Variants in POMK observed in about 807,000 individuals in gnomAD.
POMK encodes Sugen kinase 196.
POMK carries 19 observed loss-of-function variants against 23.0 expected under a neutral mutation model. The observed-to-expected ratio is 0.83, with a 90% CI of 0.58 to 1.21. POMK has a LOEUF of 1.21. POMK is among the 50% of genes most tolerant of loss of function. The pLI, the probability that POMK is intolerant of heterozygous loss-of-function variation, is 0.00. For missense variants in POMK, 410 were observed against 431.3 expected (o/e 0.95, Z 0.44); for synonymous variants, 173 against 171.6 (o/e 1.01, Z -0.06).
At chr8:43,108,522 G>C (rs939763693) in intron 4 of POMK, among the ~76,000 whole-genome samples, 11 of 152,172 alleles carry the variant, frequency 7.2e-5, no homozygotes, top group African/African-American at 2.7e-4. Context: ...GCTACAAGCT[G>C]TAAATAGCTT....
chr8:43,122,961 G>C lies in POMK; in HGVS notation c.*84G>C. The C allele has an allele frequency of 7.7e-7, 1 of 1,298,152 alleles. No individual in the cohort carries two copies. 80.4% of individuals were successfully genotyped at this position (1,298,152 alleles called of 1,614,324 possible). A position where few individuals can be genotyped will look rare whatever the true frequency, so the allele number is the denominator to read the frequency against. ...ACTCTGATGGTGGAGTTTTTTGCCT[G>C]AGTTTCGTGTTTTATTGTTTTTTTT... is the stretch of plus-strand genomic sequence containing the variant. On this transcript the variant is annotated 3_prime_UTR_variant, in exon 5 of 5. Coordinates refer to ENST00000331373, the MANE Select transcript of POMK (RefSeq NM_032237.5).
chr8:43,097,762 C>G (rs1563335282), intron 2 of POMK, 147 bp downstream of exon 2: 2 of 152,132 alleles, frequency 1.3e-5, no homozygotes, highest in African/African-American at 2.4e-5. Context: ...AGGGAGGAAT[C>G]AAGTCACACA....
intron 4 of POMK, among the ~76,000 whole-genome samples, chr8:43,120,299 C>T (rs1422646558): frequency 1.3e-5 from 2 of 151,860 alleles, no homozygotes; most frequent in African/African-American, 4.8e-5. Context: ...GCAACCTCCA[C>T]CTCCTGGGGT....
intron 4 of POMK, among the ~76,000 whole-genome samples, chr8:43,117,083 A>G (rs1431846362): frequency 6.6e-6 from 1 of 152,214 alleles, no homozygotes; most frequent in Admixed American, 6.5e-5. Flanking sequence ...GTCATCGCTT[A>G]AGGCAAGGAC....
rs1030157248 is a variant in POMK at position 43,115,362 on chromosome 8, T to G, written c.283-6745T>G. On this transcript the variant is annotated intron_variant, in intron 4 of 4. Transcript: ENST00000331373. ...TCTATACAGCTGCCTACCCGACATG[T>G]ACCTGGGGTTTCTGAGAGGCTTCTC... Among the ~76,000 whole-genome samples the G allele has an allele frequency of 3.3e-5, 5 of 152,206 alleles. 1 individual carries two copies. Among genetic ancestry groups the G allele is most frequent in the Non-Finnish European group, 7.3e-5 (5 of 68,042 alleles).
chr8:43,122,393 A>G lies in POMK; in HGVS notation c.569A>G (p.Asn190Ser), dbSNP rs1811937134. 1 of 1,614,224 alleles carries G rather than the reference A, an allele frequency of 6.2e-7. No individual in the cohort carries two copies. Among genetic ancestry groups the G allele is most frequent in the Non-Finnish European group, 8.5e-7 (1 of 1,180,032 alleles). Residue 190 changes from asparagine (N) to serine (S), a missense_variant, in exon 5 of 5, where the codon AAT (asparagine) becomes AGT (serine). Physicochemically the swap from Asn to Ser is conservative, Grantham distance 46 (BLOSUM62 1). Coordinates refer to ENST00000331373, the MANE Select transcript of POMK (RefSeq NM_032237.5). Reference sequence around the variant, plus strand: ...GCCATGGACTATGTCAGCATCATTAATTACCTGCACCACAGCCCTGTGGGC... The same window carrying G: ...GCCATGGACTATGTCAGCATCATTAGTTACCTGCACCACAGCCCTGTGGGC... ...ELAMDYVSII[N>S]YLHHSPVGTR...
chr8:43,112,158 A>G (rs2130612746), intron 4 of POMK, among the ~76,000 whole-genome samples: 1 of 152,258 alleles, frequency 6.6e-6, no homozygotes, highest in African/African-American at 2.4e-5. Context: ...GAAAGAAGTT[A>G]AAAACTTCGA....
rs149362765 is a variant in POMK at position 43,116,348 on chromosome 8, T to C, written c.283-5759T>C. Among the ~76,000 whole-genome samples, 381 of 152,326 alleles carry C rather than the reference T, an allele frequency of 2.5e-3. 2 individuals carry two copies. Among genetic ancestry groups the C allele is most frequent in the South Asian group, 0.011 (53 of 4,830 alleles). On this transcript the variant is annotated intron_variant, in intron 4 of 4. Transcript: ENST00000331373. ...AGTGCAGTGGTGCGATCATAGCTTA[T>C]TGCAACCTCAAACTCCAGTGATCCT...
At chr8:43,105,475 C>T (rs1013935044) in intron 4 of POMK, among the ~76,000 whole-genome samples, 13 of 152,158 alleles carry the variant, frequency 8.5e-5, no homozygotes, top group Admixed American at 5.9e-4. Flanking sequence ...AACATAATGT[C>T]CTCCAGTTCC....
intron 1 of POMK, among the ~76,000 whole-genome samples, chr8:43,094,814 C>T (rs1273545730): frequency 6.6e-6 from 1 of 152,118 alleles, no homozygotes; most frequent in East Asian, 1.9e-4. Flanking sequence ...TATCAATAAG[C>T]CTTCCTATCA....
At chr8:43,111,415 G>T (rs565262217) in intron 4 of POMK, among the ~76,000 whole-genome samples, 1 of 152,352 alleles carries the variant, frequency 6.6e-6, no homozygotes, top group South Asian at 2.1e-4. Context: ...GGTAAACAAA[G>T]CAGCTGGGAA....
At chr8:43,119,218 C>A (rs1811860988) in intron 4 of POMK, among the ~76,000 whole-genome samples, 1 of 152,066 alleles carries the variant, frequency 6.6e-6, no homozygotes, top group Non-Finnish European at 1.5e-5. Context: ...TGGTGGTGAC[C>A]ATGCAGAGGT....
At chr8:43,115,171 T>G (rs907122585) in intron 4 of POMK, among the ~76,000 whole-genome samples, 1 of 152,238 alleles carries the variant, frequency 6.6e-6, no homozygotes, top group Admixed American at 6.5e-5. Flanking sequence ...ACAGTCTGTT[T>G]AAAGCATGGA....
intron 4 of POMK, among the ~76,000 whole-genome samples, chr8:43,106,784 C>T (rs1209250160): frequency 6.6e-6 from 1 of 152,200 alleles, no homozygotes; most frequent in Non-Finnish European, 1.5e-5. Context: ...CAGGCATGAG[C>T]CACTGGGCCC....
chr8:43,107,574 C>G (rs1397156830), intron 4 of POMK, among the ~76,000 whole-genome samples: 1 of 151,980 alleles, frequency 6.6e-6, no homozygotes, highest in African/African-American at 2.4e-5. Flanking sequence ...AGGGTTTCAC[C>G]ACGTTGGTCA....
At chr8:43,119,023 G>A (rs985091212) in intron 4 of POMK, among the ~76,000 whole-genome samples, 2 of 152,168 alleles carry the variant, frequency 1.3e-5, no homozygotes, top group Admixed American at 6.5e-5. Context: ...ATGTTAGCCA[G>A]GATGGTCTTG....
chr8:43,102,184 C>T (rs1010529778), intron 2 of POMK, among the ~76,000 whole-genome samples: 4 of 152,222 alleles, frequency 2.6e-5, no homozygotes, highest in African/African-American at 9.6e-5. Flanking sequence ...AGGATAGGAA[C>T]CATGCTGGTG....
intron 4 of POMK, among the ~76,000 whole-genome samples, chr8:43,110,577 TCA>T (rs1220577378): frequency 2.6e-5 from 4 of 152,218 alleles, no homozygotes; most frequent in African/African-American, 7.2e-5. Context: ...TTTTAAACAG[TCA>T]TTTTACTTTA....
intron 4 of POMK, among the ~76,000 whole-genome samples, chr8:43,108,053 A>G (rs1324166740): frequency 1.3e-5 from 2 of 152,206 alleles, no homozygotes; most frequent in Non-Finnish European, 2.9e-5. Flanking sequence ...GGAATCTCAG[A>G]TAAGACTTTC....
Sources: allele counts gnomAD v4.1 joint callset (sites outside exome capture counted in the v4.1 genomes callset), GRCh38; gene constraint gnomAD v4.1.1; transcripts MANE v1.5; gene names NCBI Gene and HGNC (gene_info 2026-07-23, HGNC 2026-07-21).